CNTNAP5: variants seen among roughly 807,000 people sequenced by gnomAD.
CNTNAP5 encodes contactin associated protein family member 5, also known as contactin-associated protein-like 5.
In CNTNAP5, 72 loss-of-function variants were observed where a neutral mutation model predicts 150.2. That is an observed-to-expected ratio of 0.48 (90% CI 0.40 to 0.58). The LOEUF is 0.58. CNTNAP5 is among the 20% of genes least tolerant of loss of function. The pLI is 0.00. For missense variants in CNTNAP5, 1,636 were observed against 1,626.2 expected (o/e 1.01, Z -0.10); for synonymous variants, 672 against 619.8 (o/e 1.08, Z -1.25).
chr2:124,748,815 C>T (rs1017927328), intron 14 of CNTNAP5, among the ~76,000 whole-genome samples: 1 of 152,152 alleles, frequency 6.6e-6, no homozygotes, highest in Non-Finnish European at 1.5e-5. Context: ...TTCTCCTAAA[C>T]TCAAGCTGGC....
chr2:124,400,239 T>C (rs553808913), intron 3 of CNTNAP5, among the ~76,000 whole-genome samples: 4 of 152,142 alleles, frequency 2.6e-5, no homozygotes, highest in African/African-American at 9.6e-5. Flanking sequence ...TAGAGTGTCA[T>C]CGCAGGGAGA....
At chr2:124,869,630 C>G in intron 20 of CNTNAP5, 45 bp from the exon 21 acceptor site, 1 of 1,287,682 alleles carries the variant, frequency 7.8e-7, no homozygotes, top group Non-Finnish European at 1.1e-6. Context: ...TGCTTCTTAC[C>G]TGCAGACCTC....
chr2:124,051,120 T>C (rs1459408107), intron 1 of CNTNAP5, among the ~76,000 whole-genome samples: 2 of 152,200 alleles, frequency 1.3e-5, no homozygotes, highest in African/African-American at 2.4e-5. Flanking sequence ...TTCTTGGTGA[T>C]CTTCCAGCCT....
At position 124,417,434 on chromosome 2, in the gene CNTNAP5, T is replaced by C. The variant is rs1319386784; in HGVS notation, c.382-9T>C. The C allele has an allele frequency of 6.2e-7, 1 of 1,612,292 alleles. No homozygotes were observed. The highest frequency in any genetic ancestry group is 8.5e-7 in the Non-Finnish European group (1 of 1,178,588). On this transcript the variant is annotated splice_polypyrimidine_tract_variant and intron_variant, in intron 3 of 23. Coordinates refer to ENST00000682447, the MANE Select transcript of CNTNAP5 (RefSeq NM_001367498.1). Reference sequence around the variant, plus strand: ...ACAGACCTCACTGCCTCTCCTTTCTTCTCTGCAGACCTTTGCAGGAAACAT... The same window carrying C: ...ACAGACCTCACTGCCTCTCCTTTCTCCTCTGCAGACCTTTGCAGGAAACAT...
chr2:124,885,989 G>A (rs535425341), intron 21 of CNTNAP5, among the ~76,000 whole-genome samples: 6 of 151,982 alleles, frequency 3.9e-5, no homozygotes, highest in Non-Finnish European at 7.4e-5. Flanking sequence ...ATCTCTGGGA[G>A]GGGATTTGTT....
chr2:124,813,069 T>TTTTTTG (rs1476495522), intron 19 of CNTNAP5, among the ~76,000 whole-genome samples: 1 of 151,886 alleles, frequency 6.6e-6, no homozygotes, highest in African/African-American at 2.4e-5. Context: ...TTTTTTTGCT[T>TTTTTTG]TTTTTGTTTT....
chr2:124,188,587 C>T (rs1436243990), intron 1 of CNTNAP5, among the ~76,000 whole-genome samples: 7 of 151,518 alleles, frequency 4.6e-5, no homozygotes, highest in Admixed American at 6.6e-5. Flanking sequence ...GGCGTGGTGG[C>T]GGGCGCCTGT....
At chr2:124,167,900 A>T (rs1271029774) in intron 1 of CNTNAP5, among the ~76,000 whole-genome samples, 1 of 152,154 alleles carries the variant, frequency 6.6e-6, no homozygotes, top group Non-Finnish European at 1.5e-5. Context: ...AAAGGGAGGG[A>T]GTACCAGAGG....
chr2:124,137,574 C>CA (rs987359657), intron 1 of CNTNAP5, among the ~76,000 whole-genome samples: 13 of 151,768 alleles, frequency 8.6e-5, no homozygotes, highest in East Asian at 3.9e-4. Flanking sequence ...ATTTAACACA[C>CA]AAAAAAAATT....
At chr2:124,702,239 G>C (rs1271910288) in intron 13 of CNTNAP5, among the ~76,000 whole-genome samples, 1 of 150,320 alleles carries the variant, frequency 6.7e-6, no homozygotes, top group South Asian at 2.1e-4. Flanking sequence ...ATCTGTATTT[G>C]AGTGGTCAAA....
chr2:124,062,612 G>A (rs1438587235), intron 1 of CNTNAP5, among the ~76,000 whole-genome samples: 1 of 152,100 alleles, frequency 6.6e-6, no homozygotes, highest in Non-Finnish European at 1.5e-5. Context: ...CATAGTAGAT[G>A]CTCAATAAAT....
At chr2:124,339,800 G>T (rs1206245248) in intron 3 of CNTNAP5, among the ~76,000 whole-genome samples, 3 of 152,102 alleles carry the variant, frequency 2.0e-5, no homozygotes, top group African/African-American at 7.2e-5. Flanking sequence ...GCAGGGGTGA[G>T]GGAATGGGTG....
intron 1 of CNTNAP5, among the ~76,000 whole-genome samples, chr2:124,162,610 C>T (rs11683942): frequency 0.081 from 12,328 of 152,110 alleles, 683 homozygotes; most frequent in Non-Finnish European, 0.13. Flanking sequence ...TTATTTCTGT[C>T]CTACCCCCAC....
chr2:124,779,078 G>A (rs1455499650), intron 17 of CNTNAP5, among the ~76,000 whole-genome samples: 1 of 152,164 alleles, frequency 6.6e-6, no homozygotes, highest in Admixed American at 6.5e-5. Flanking sequence ...TGCTGTCCAG[G>A]TCTCCCTTCA....
chr2:124,125,150 G>A (rs1472813617), intron 1 of CNTNAP5, among the ~76,000 whole-genome samples: 1 of 152,194 alleles, frequency 6.6e-6, no homozygotes, highest in Non-Finnish European at 1.5e-5. Flanking sequence ...CCATCAGTGT[G>A]CTGTATTCAG....
intron 13 of CNTNAP5, among the ~76,000 whole-genome samples, chr2:124,729,426 A>G (rs965040288): frequency 6.6e-6 from 1 of 152,040 alleles, no homozygotes; most frequent in African/African-American, 2.4e-5. Flanking sequence ...TCCTTGTCAT[A>G]TGTTCAATAA....
rs1573710081 is a variant in CNTNAP5 at position 124,915,085 on chromosome 2, A to G, written c.*797A>G. On this transcript the variant is annotated 3_prime_UTR_variant, in exon 24 of 24. Coordinates refer to ENST00000682447, the MANE Select transcript of CNTNAP5 (RefSeq NM_001367498.1). The stretch of plus-strand genomic sequence containing the variant: ...CCATATCTTCAAAATGCCTCCTCCA[A>G]TTTTGTAAGAATGCTAGCTAGGTAT... The G allele has an allele frequency of 6.2e-6, 1 of 162,536 alleles. No individual in the cohort carries two copies. The highest frequency in any genetic ancestry group is 2.4e-5 in the African/African-American group (1 of 41,310). The allele number at this position is 162,536 out of a possible 1,614,324, so 10.1% of individuals were successfully genotyped here.
intron 1 of CNTNAP5, among the ~76,000 whole-genome samples, chr2:124,180,102 A>G (rs1685174947): frequency 6.6e-6 from 1 of 152,212 alleles, no homozygotes; most frequent in Admixed American, 6.5e-5. Flanking sequence ...TCTCTTCTCC[A>G]ACAATTAATT....
chr2:124,674,320 G>A (rs966193953), intron 13 of CNTNAP5, among the ~76,000 whole-genome samples: 2 of 151,362 alleles, frequency 1.3e-5, no homozygotes, highest in African/African-American at 4.9e-5. Context: ...GTTGATTTGA[G>A]AACCATCCTT....
Sources: gnomAD v4.1 joint callset for allele counts (sites outside exome capture counted in the v4.1 genomes callset) on GRCh38, gnomAD v4.1.1 for gene constraint, MANE v1.5 for transcripts, NCBI Gene and HGNC (gene_info 2026-07-23, HGNC 2026-07-21) for gene names.